Variants in CTNNA3 observed in about 807,000 individuals in gnomAD.
CTNNA3 encodes the protein catenin alpha-3.
Under a neutral mutation model 95.7 loss-of-function variants are expected in CTNNA3, and 76 were observed. The observed-to-expected ratio is 0.79, with a 90% CI of 0.66 to 0.96. CTNNA3 has a LOEUF of 0.96. Among genes scored for constraint, CTNNA3 ranks in the 40% least tolerant of loss-of-function variants. The pLI, the probability that CTNNA3 is intolerant of heterozygous loss-of-function variation, is 0.00. For missense variants in CTNNA3, 1,191 were observed against 1,089.8 expected (o/e 1.09, Z -1.31); for synonymous variants, 431 against 374.4 (o/e 1.15, Z -1.74).
At chr10:66,613,105 T>G (rs1484124552) in intron 10 of CTNNA3, among the ~76,000 whole-genome samples, 1 of 152,088 alleles carries the variant, frequency 6.6e-6, no homozygotes, top group African/African-American at 2.4e-5. Context: ...TGTAAACACT[T>G]TGGTTTGTAA....
intron 5 of CTNNA3, among the ~76,000 whole-genome samples, chr10:67,421,027 C>A (rs1446664163): frequency 2.6e-5 from 4 of 152,030 alleles, no homozygotes; most frequent in Non-Finnish European, 5.9e-5. Context: ...GAAATAACAT[C>A]ACCTTCATCT....
At chr10:66,815,486 G>A (rs1842040772) in intron 7 of CTNNA3, among the ~76,000 whole-genome samples, 1 of 152,058 alleles carries the variant, frequency 6.6e-6, no homozygotes, top group African/African-American at 2.4e-5. Context: ...TGGTTCTTGG[G>A]AAGACTTATC....
At chr10:67,558,188 G>A (rs1039264535) in intron 3 of CTNNA3, among the ~76,000 whole-genome samples, 1 of 152,170 alleles carries the variant, frequency 6.6e-6, no homozygotes, top group Admixed American at 6.5e-5. Context: ...CCAGATGCAA[G>A]AAGAGCCTTG....
At chr10:66,037,139 T>G (rs965185819) in intron 15 of CTNNA3, among the ~76,000 whole-genome samples, 6 of 152,166 alleles carry the variant, frequency 3.9e-5, no homozygotes, top group Non-Finnish European at 5.9e-5. Context: ...CCCAAAGTGC[T>G]GGGATTACAG....
intron 12 of CTNNA3, among the ~76,000 whole-genome samples, chr10:66,340,213 C>T (rs1399573320): frequency 6.6e-6 from 1 of 151,802 alleles, no homozygotes; most frequent in Non-Finnish European, 1.5e-5. Flanking sequence ...TAGGTTGTTA[C>T]ATCTCCAAAA....
chr10:67,501,684 T>A (rs973769586), intron 5 of CTNNA3, among the ~76,000 whole-genome samples: 2 of 152,196 alleles, frequency 1.3e-5, no homozygotes, highest in African/African-American at 4.8e-5. Context: ...TTTTCTCTAA[T>A]CTTGTCTTCA....
At chr10:66,357,032 C>T (rs1285469624) in intron 12 of CTNNA3, among the ~76,000 whole-genome samples, 1 of 152,006 alleles carries the variant, frequency 6.6e-6, no homozygotes, top group East Asian at 1.9e-4. Flanking sequence ...GTTTTTGCAT[C>T]TACGTTCATG....
chr10:67,725,032 CTATT>C (rs1841200857), intron 1 of CTNNA3, among the ~76,000 whole-genome samples: 1 of 151,870 alleles, frequency 6.6e-6, no homozygotes. Flanking sequence ...AAAATTATAT[CTATT>C]TATTCTCCCA....
intron 7 of CTNNA3, among the ~76,000 whole-genome samples, chr10:66,840,368 T>TCG (rs1843020794): frequency 1.2e-5 from 1 of 80,274 alleles, no homozygotes; most frequent in East Asian, 2.7e-4. Context: ...TCTCTCTCTC[T>TCG]CTCTCACACA....
intron 11 of CTNNA3, among the ~76,000 whole-genome samples, chr10:66,443,401 G>A (rs371604086): frequency 4.6e-5 from 7 of 152,184 alleles, no homozygotes; most frequent in South Asian, 2.1e-4. Context: ...ACTGGGAGGC[G>A]CCCCCCAGTA....
At chr10:66,496,796 C>A (rs1314547736) in intron 11 of CTNNA3, among the ~76,000 whole-genome samples, 3 of 152,134 alleles carry the variant, frequency 2.0e-5, no homozygotes, top group Non-Finnish European at 2.9e-5. Flanking sequence ...TGAATAATAG[C>A]TATACTAGTT....
intron 4 of CTNNA3, among the ~76,000 whole-genome samples, chr10:67,531,650 G>A: frequency 6.6e-6 from 1 of 152,180 alleles, no homozygotes; most frequent in East Asian, 1.9e-4. Flanking sequence ...GGACTTTTGA[G>A]TTAATGCTGA....
rs7904345 is a variant in CTNNA3, at chr10:66,870,832, T to C, written c.1048-95308A>G. Among the ~76,000 whole-genome samples the C allele has an allele frequency of 8.6e-3, 1,303 of 152,256 alleles. 18 individuals carry two copies. Among genetic ancestry groups the C allele is most frequent in the African/African-American group, 0.029 (1,225 of 41,548 alleles). On this transcript the variant is annotated intron_variant, in intron 7 of 17. Transcript: ENST00000433211. ...TTTTCTTTGTAGGGCCCTTTGACCA[T>C]AGATTCTCATACCTAAATTCAACAA... is the stretch of plus-strand genomic sequence containing the variant.
chr10:66,886,382 C>G (rs1589377430), intron 7 of CTNNA3, among the ~76,000 whole-genome samples: 1 of 152,066 alleles, frequency 6.6e-6, no homozygotes, highest in Non-Finnish European at 1.5e-5. Flanking sequence ...GTTTTGTATT[C>G]AGGTATCTTC....
intron 12 of CTNNA3, among the ~76,000 whole-genome samples, chr10:66,285,854 G>A: frequency 6.6e-6 from 1 of 151,104 alleles, no homozygotes; most frequent in Non-Finnish European, 1.5e-5. Context: ...AACTGTTTTG[G>A]TTCATGCAAA....
In CTNNA3 at chr10:66,309,834, C is replaced by A. The variant is rs905978747; in HGVS notation, c.1733-29213G>T. 5.3e-5 allele frequency among the ~76,000 whole-genome samples: 8 copies of A among 149,736 alleles called. No individual in the cohort carries two copies. The East Asian group carries it at 1.4e-3, about 26-fold the overall frequency. On this transcript the variant is annotated intron_variant, in intron 12 of 17. Coordinates refer to ENST00000433211, the MANE Select transcript of CTNNA3 (RefSeq NM_013266.4). ...CAACACTTTGGGAGGCCAAGGTGGG[C>A]GGATCAGGAAGTCAGGAGTTCGAGA...
chr10:67,452,099 G>A (rs2132965394), intron 5 of CTNNA3, among the ~76,000 whole-genome samples: 1 of 150,422 alleles, frequency 6.6e-6, no homozygotes, highest in African/African-American at 2.5e-5. Context: ...AGGAAGGAAG[G>A]AAGGAGTAGG....
intron 5 of CTNNA3, among the ~76,000 whole-genome samples, chr10:67,472,784 T>G (rs1847876424): frequency 6.6e-6 from 1 of 152,200 alleles, no homozygotes; most frequent in African/African-American, 2.4e-5. Context: ...TTCTCTCTGT[T>G]GGCTCACTCT....
chr10:66,500,356 A>G (rs1429513784), intron 11 of CTNNA3, among the ~76,000 whole-genome samples: 4 of 152,178 alleles, frequency 2.6e-5, no homozygotes, highest in African/African-American at 4.8e-5. Context: ...AGAAGATAAT[A>G]AAATAATAAT....
Sources: allele counts gnomAD v4.1 joint callset (sites outside exome capture counted in the v4.1 genomes callset), GRCh38; gene constraint gnomAD v4.1.1; transcripts MANE v1.5; gene names NCBI Gene and HGNC (gene_info 2026-07-23, HGNC 2026-07-21).